CPEB3: variants seen among roughly 807,000 people sequenced by gnomAD.
CPEB3 encodes the protein cytoplasmic polyadenylation element binding protein 3.
A neutral mutation model predicts 67.2 loss-of-function variants in CPEB3; 20 were observed. The ratio of observed to expected loss-of-function variants is 0.30; its 90% CI spans 0.21 to 0.43. The LOEUF is 0.43. Among genes scored for constraint, CPEB3 ranks in the 20% least tolerant of loss-of-function variants. CPEB3 has a pLI of 1.00. For missense variants in CPEB3, 746 were observed against 968.6 expected (o/e 0.77, Z 3.05); for synonymous variants, 376 against 393.1 (o/e 0.96, Z 0.51).
intron 6 of CPEB3, among the ~76,000 whole-genome samples, chr10:92,129,765 C>T (rs190291662): frequency 1.3e-5 from 2 of 152,058 alleles, no homozygotes; most frequent in East Asian, 1.9e-4. Flanking sequence ...ATCCCTGTTG[C>T]GCATGGTAGC....
chr10:92,215,415 G>A (rs1273731852), intron 2 of CPEB3, among the ~76,000 whole-genome samples: 1 of 150,704 alleles, frequency 6.6e-6, no homozygotes, highest in Non-Finnish European at 1.5e-5. Flanking sequence ...GCCTCCCAAA[G>A]TGCTGGGATT....
intron 4 of CPEB3, among the ~76,000 whole-genome samples, chr10:92,175,899 G>C (rs1021942485): frequency 1.3e-5 from 2 of 152,088 alleles, no homozygotes; most frequent in Non-Finnish European, 2.9e-5. Context: ...AGACCAGCCT[G>C]GGCAACATGG....
At chr10:92,083,906 G>A (rs1274814504) in intron 8 of CPEB3, among the ~76,000 whole-genome samples, 6 of 151,976 alleles carry the variant, frequency 3.9e-5, no homozygotes, top group African/African-American at 9.7e-5. Context: ...CAGGATCGCC[G>A]GGCACGGTGG....
chr10:92,284,809 A>T (rs1842455572), intron 1 of CPEB3, among the ~76,000 whole-genome samples: 1 of 152,208 alleles, frequency 6.6e-6, no homozygotes, highest in Non-Finnish European at 1.5e-5. Context: ...TCATCATTGT[A>T]TCTTCAGTCC....
chr10:92,075,733 A>T (rs1461852076), intron 9 of CPEB3, among the ~76,000 whole-genome samples: 1 of 152,236 alleles, frequency 6.6e-6, no homozygotes, highest in East Asian at 1.9e-4. Flanking sequence ...AAGCAAGCCA[A>T]AAAGTCTCTA....
At chr10:92,276,181 T>G (rs1841975057) in intron 1 of CPEB3, among the ~76,000 whole-genome samples, 1 of 152,068 alleles carries the variant, frequency 6.6e-6, no homozygotes, top group African/African-American at 2.4e-5. Flanking sequence ...TATTCCGTTG[T>G]ATGGACATTC....
chr10:92,106,930 G>A (rs774247590), intron 7 of CPEB3, among the ~76,000 whole-genome samples: 6 of 149,724 alleles, frequency 4.0e-5, no homozygotes, highest in Non-Finnish European at 8.9e-5. Context: ...GTTAAAATAT[G>A]GGGTTCAGAA....
chr10:92,283,177 G>A (rs571077064), intron 1 of CPEB3, among the ~76,000 whole-genome samples: 38 of 152,044 alleles, frequency 2.5e-4, no homozygotes, highest in Non-Finnish European at 5.0e-4. Flanking sequence ...ACCTGAGCCC[G>A]GTAGGCAAGG....
intron 9 of CPEB3, among the ~76,000 whole-genome samples, chr10:92,059,394 A>C (rs1264694491): frequency 6.6e-6 from 1 of 151,936 alleles, no homozygotes; most frequent in Non-Finnish European, 1.5e-5. Flanking sequence ...CCAGTGGGTC[A>C]ATGAAGAAAT....
At chr10:92,234,972 TC>T (rs1851458556) in intron 2 of CPEB3, among the ~76,000 whole-genome samples, 1 of 152,092 alleles carries the variant, frequency 6.6e-6, no homozygotes, top group Non-Finnish European at 1.5e-5. Flanking sequence ...ATGACAATAG[TC>T]CTCCTATGTC....
intron 3 of CPEB3, among the ~76,000 whole-genome samples, chr10:92,185,611 A>G (rs1289975514): frequency 6.6e-6 from 1 of 152,198 alleles, no homozygotes; most frequent in Non-Finnish European, 1.5e-5. Flanking sequence ...TTACTTCTAC[A>G]ATATGTTATG....
At chr10:92,187,027 GAACA>G (rs777263273) in intron 3 of CPEB3, among the ~76,000 whole-genome samples, 3 of 151,908 alleles carry the variant, frequency 2.0e-5, no homozygotes, top group Non-Finnish European at 2.9e-5. Flanking sequence ...TATTTTTCTG[GAACA>G]AACAAGCAAA....
intron 1 of CPEB3, among the ~76,000 whole-genome samples, chr10:92,241,169 C>T (rs1000122366): frequency 5.3e-5 from 8 of 152,114 alleles, no homozygotes; most frequent in Non-Finnish European, 8.8e-5. Context: ...TTTCTTGTCT[C>T]CAATTCTGCC....
chr10:92,047,751 T>C lies in CPEB3; in HGVS notation c.*4461A>G, dbSNP rs887291080. 1.3e-5 allele frequency: 2 copies of C among 152,230 alleles called. No individual in the cohort carries two copies. Among genetic ancestry groups the C allele is most frequent in the African/African-American group, 4.8e-5 (2 of 41,456 alleles). 9.4% of individuals were successfully genotyped at this position (152,230 alleles called of 1,614,324 possible). A position where few individuals can be genotyped will look rare whatever the true frequency, so the allele number is the denominator to read the frequency against. ...TATATTATTTACAAAACTGAATACA[T>C]AGAGCATACCCAAGACCAACTCTGG... On this transcript the variant is annotated 3_prime_UTR_variant, in exon 10 of 10. Coordinates refer to ENST00000265997, the MANE Select transcript of CPEB3 (RefSeq NM_014912.5).
chr10:92,081,219 G>C, intron 9 of CPEB3, 101 bp downstream of exon 9: 1 of 1,228,106 alleles, frequency 8.1e-7, no homozygotes, highest in Non-Finnish European at 1.2e-6. Flanking sequence ...ATGCAAGGTA[G>C]AGCTGGTCAC....
At chr10:92,268,305 C>T (rs1853150902) in intron 1 of CPEB3, among the ~76,000 whole-genome samples, 1 of 152,052 alleles carries the variant, frequency 6.6e-6, no homozygotes, top group South Asian at 2.1e-4. Context: ...TTCCCTTCTT[C>T]ACCTAAATGC....
At chr10:92,270,559 CTTT>C (rs571582158) in intron 1 of CPEB3, among the ~76,000 whole-genome samples, 25 of 124,844 alleles carry the variant, frequency 2.0e-4, no homozygotes, top group Middle Eastern at 4.1e-3. Context: ...TTTTATATTA[CTTT>C]TTTTTTTTTT....
chr10:92,088,225 A>ATTTT (rs374452327), intron 8 of CPEB3, among the ~76,000 whole-genome samples: 8 of 126,308 alleles, frequency 6.3e-5, no homozygotes, highest in African/African-American at 1.2e-4. Context: ...TTCCAACCTA[A>ATTTT]TTTTTTTTTT....
intron 1 of CPEB3, among the ~76,000 whole-genome samples, chr10:92,283,685 C>T (rs1842397345): frequency 6.6e-6 from 1 of 151,432 alleles, no homozygotes; most frequent in Admixed American, 6.6e-5. Context: ...TTCCCAGTTC[C>T]TACAGAATGG....
Sources: allele counts gnomAD v4.1 joint callset (sites outside exome capture counted in the v4.1 genomes callset), GRCh38; gene constraint gnomAD v4.1.1; transcripts MANE v1.5; gene names NCBI Gene and HGNC (gene_info 2026-07-23, HGNC 2026-07-21).